The following SMYD3 variants were observed in gnomAD, a reference collection of about 807,000 sequenced individuals.
The protein encoded by SMYD3 is histone-lysine N-methyltransferase SMYD3.
Under a neutral mutation model 57.7 loss-of-function variants are expected in SMYD3, and 36 were observed. The ratio of observed to expected loss-of-function variants is 0.62; its 90% CI spans 0.48 to 0.82. The LOEUF (loss-of-function observed/expected upper bound fraction) is 0.82, where lower values mean the gene tolerates loss of function less well. Ranked by LOEUF, SMYD3 falls within the 40% of genes least tolerant of loss-of-function variation. The pLI is 0.00. For missense variants in SMYD3, 515 were observed against 538.8 expected (o/e 0.96, Z 0.44); for synonymous variants, 211 against 195.0 (o/e 1.08, Z -0.68).
intron 9 of SMYD3, among the ~76,000 whole-genome samples, chr1:245,858,901 C>G (rs927475509): frequency 7.9e-5 from 12 of 152,164 alleles, no homozygotes; most frequent in African/African-American, 2.9e-4. Flanking sequence ...CAGGCCTGTG[C>G]TTTGGAGTTT....
rs79646667 is a variant in SMYD3, at chr1:245,902,802, A to G, written c.813+12728T>C. On this transcript the variant is annotated intron_variant, in intron 8 of 11. Transcript: ENST00000490107. ...CAGTACTGTTCCTACCCAAAATCAG[A>G]GCTAAAGAACTCTACCCAACAAATA... Among the ~76,000 whole-genome samples, 759 of 152,360 alleles carry G rather than the reference A, an allele frequency of 5.0e-3. 7 individuals carry two copies. Among genetic ancestry groups the G allele is most frequent in the Non-Finnish European group, 7.1e-3 (486 of 68,028 alleles).
chr1:245,833,121 A>G (rs2148391508), intron 10 of SMYD3, among the ~76,000 whole-genome samples: 1 of 150,388 alleles, frequency 6.6e-6, no homozygotes, highest in Non-Finnish European at 1.5e-5. Context: ...TAAAATACAC[A>G]TTTTGGAATA....
intron 5 of SMYD3, among the ~76,000 whole-genome samples, chr1:246,099,415 C>T (rs76485469): frequency 6.6e-6 from 1 of 152,176 alleles, no homozygotes; most frequent in African/African-American, 2.4e-5. Flanking sequence ...CAATGACTGA[C>T]ACTGAGTCCT....
chr1:245,887,297 C>G (rs756115077), intron 8 of SMYD3, among the ~76,000 whole-genome samples: 1 of 152,100 alleles, frequency 6.6e-6, no homozygotes, highest in Non-Finnish European at 1.5e-5. Context: ...GCCATGGCAA[C>G]GTCAGGAAGT....
chr1:246,188,699 G>A (rs545558145), intron 5 of SMYD3, among the ~76,000 whole-genome samples: 2 of 152,086 alleles, frequency 1.3e-5, no homozygotes, highest in South Asian at 4.2e-4. Flanking sequence ...GGTGGCTCAT[G>A]CCTGTAATCC....
intron 5 of SMYD3, among the ~76,000 whole-genome samples, chr1:246,004,349 AC>A (rs2059134126): frequency 6.6e-6 from 1 of 152,212 alleles, no homozygotes; most frequent in Non-Finnish European, 1.5e-5. Flanking sequence ...TTGAAAGTCA[AC>A]CAATGAATGA....
At chr1:245,874,455 A>T (rs2052382809) in intron 8 of SMYD3, among the ~76,000 whole-genome samples, 4 of 152,224 alleles carry the variant, frequency 2.6e-5, no homozygotes, top group Admixed American at 2.6e-4. Flanking sequence ...ATAGCTTTTT[A>T]GGAGGCAATC....
chr1:246,238,183 C>G (rs954478805), intron 5 of SMYD3, among the ~76,000 whole-genome samples: 1 of 152,076 alleles, frequency 6.6e-6, no homozygotes, highest in African/African-American at 2.4e-5. Flanking sequence ...CACACCTCAG[C>G]CTCCTGAGTA....
intron 1 of SMYD3, among the ~76,000 whole-genome samples, chr1:246,358,288 A>C (rs560554689): frequency 1.3e-5 from 2 of 152,204 alleles, no homozygotes; most frequent in African/African-American, 4.8e-5. Flanking sequence ...ATATGCACCT[A>C]ACACTGGAGC....
chr1:246,346,599 A>G (rs4275421), intron 2 of SMYD3, among the ~76,000 whole-genome samples: 151,999 of 152,256 alleles, frequency 1, 75,871 homozygotes, highest in Middle Eastern at 1. Flanking sequence ...AGTGCCCAGC[A>G]AAGCAGGAAG....
intron 5 of SMYD3, among the ~76,000 whole-genome samples, chr1:246,261,042 TTTGTTGTTG>T (rs111699160): frequency 1.1e-4 from 12 of 107,584 alleles, no homozygotes; most frequent in Middle Eastern, 4.1e-3. Flanking sequence ...CTTTCTGGGT[TTTGTTGTTG>T]TTGTTGTTGT....
At chr1:246,104,988 C>T (rs911485075) in intron 5 of SMYD3, among the ~76,000 whole-genome samples, 5 of 152,116 alleles carry the variant, frequency 3.3e-5, no homozygotes, top group African/African-American at 7.2e-5. Context: ...AACACAGCAT[C>T]GGCAAGTGGG....
At chr1:245,987,906 G>A (rs1212994800) in intron 5 of SMYD3, among the ~76,000 whole-genome samples, 1 of 152,114 alleles carries the variant, frequency 6.6e-6, no homozygotes, top group Admixed American at 6.5e-5. Flanking sequence ...AACTTAAAAA[G>A]AAAAAAGAAA....
intron 5 of SMYD3, among the ~76,000 whole-genome samples, chr1:246,084,907 C>A (rs1558213999): frequency 6.6e-6 from 1 of 152,116 alleles, no homozygotes; most frequent in African/African-American, 2.4e-5. Context: ...TCAGTGACTA[C>A]CATATTCTTT....
intron 5 of SMYD3, among the ~76,000 whole-genome samples, chr1:246,324,575 G>C (rs563590186): frequency 6.6e-6 from 1 of 152,040 alleles, no homozygotes; most frequent in African/African-American, 2.4e-5. Flanking sequence ...TGTTGACAGC[G>C]TAAATTCAGA....
At chr1:246,502,221 C>T (rs150878692) in intron 1 of SMYD3, among the ~76,000 whole-genome samples, 1,531 of 151,894 alleles carry the variant, frequency 0.01, 34 homozygotes, top group African/African-American at 0.034. Flanking sequence ...TCACTGCAAC[C>T]TCCACCTCCT....
intron 1 of SMYD3, among the ~76,000 whole-genome samples, chr1:246,503,228 C>A (rs1187967669): frequency 6.6e-6 from 1 of 152,228 alleles, no homozygotes; most frequent in Non-Finnish European, 1.5e-5. Flanking sequence ...GATGACACGT[C>A]TACTTCCAAG....
chr1:245,988,989 G>T (rs1246400071), intron 5 of SMYD3, among the ~76,000 whole-genome samples: 1 of 152,188 alleles, frequency 6.6e-6, no homozygotes, highest in Admixed American at 6.5e-5. Flanking sequence ...TAAATTCCCC[G>T]TATCATATTA....
intron 3 of SMYD3, among the ~76,000 whole-genome samples, chr1:246,333,526 A>T (rs1010981360): frequency 6.6e-6 from 1 of 152,214 alleles, no homozygotes; most frequent in African/African-American, 2.4e-5. Flanking sequence ...AATATCCAGA[A>T]TCTATAAGGA....
Sources: gnomAD v4.1 joint callset for allele counts (sites outside exome capture counted in the v4.1 genomes callset) on GRCh38, gnomAD v4.1.1 for gene constraint, MANE v1.5 for transcripts, NCBI Gene and HGNC (gene_info 2026-07-23, HGNC 2026-07-21) for gene names.